Variants in FCSK observed in about 807,000 individuals in gnomAD.
FCSK encodes fucose kinase, also known as L-fucose kinase.
In FCSK, 123 loss-of-function variants were observed where a neutral mutation model predicts 122.5. That is an observed-to-expected ratio of 1.00 (90% CI 0.87 to 1.17). FCSK has a LOEUF of 1.17. FCSK is among the 50% of genes most tolerant of loss of function. The pLI is 0.00. For synonymous variants in FCSK, 620 were observed against 625.5 expected (o/e 0.99, Z 0.13); for missense variants, 1,366 against 1,450.4 (o/e 0.94, Z 0.95).
rs1567710721 is a variant in FCSK at position 70,474,876 on chromosome 16, A to G, written c.2242A>G (p.Ile748Val). ...LAVRVDGRRP[I>V]GARARRIPEP... ...TGTGCGAGTGGACGGCCGCCGGCCC[A>G]TCGGAGCCAGGGCACGCCGCATCCC... is the stretch of plus-strand genomic sequence containing the variant. Residue 748 changes from isoleucine to valine, a missense_variant, in exon 18 of 24, where the codon ATC becomes GTC. Transcript: ENST00000288078. The G allele has an allele frequency of 1.2e-6, 2 of 1,602,390 alleles. No individual in the cohort carries two copies. The highest frequency in any genetic ancestry group is 1.1e-5 in the South Asian group (1 of 89,562).
At position 70,478,441 on chromosome 16, in the gene FCSK, G is replaced by A; in HGVS notation, c.2811G>A (p.Leu937=). The change falls in exon 21 of 24, where the codon CTG becomes CTA. Residue 937 remains leucine, a synonymous_variant. Coordinates refer to ENST00000288078, the MANE Select transcript of FCSK (RefSeq NM_145059.3). ...LLLVYTGKTR[L]ARNLLQDVLR... The stretch of plus-strand genomic sequence containing the variant: ...TGGTGTACACTGGCAAGACCCGCCT[G>A]GCTCGGAACCTGCTGCAGGTGAGCT... 1 of 1,614,088 alleles carries A rather than the reference G, an allele frequency of 6.2e-7. No individual in the cohort carries two copies. The highest frequency in any genetic ancestry group is 1.3e-5 in the African/African-American group (1 of 75,078).
intron 14 of FCSK, 143 bp downstream of exon 14, chr16:70,472,748 C>A: frequency 1.2e-6 from 1 of 812,408 alleles, no homozygotes; most frequent in Non-Finnish European, 1.9e-6. Flanking sequence ...CAGCCGGATT[C>A]TCTCCAGTAC....
In FCSK at chr16:70,473,046, C is replaced by G; in HGVS notation, c.1470C>G (p.Leu490=). The G allele has an allele frequency of 6.3e-7, 1 of 1,589,526 alleles. No homozygotes were observed. Among genetic ancestry groups the G allele is most frequent in the Non-Finnish European group, 8.6e-7 (1 of 1,168,886 alleles). The change falls in exon 15 of 24, where the codon CTC becomes CTG. Residue 490 remains leucine, a synonymous_variant. Coordinates refer to ENST00000288078, the MANE Select transcript of FCSK (RefSeq NM_145059.3). This position sits in a 1 kb window ranked among gnomAD's most constrained non-coding sequence, Gnocchi z 4.9. The part of the protein sequence containing the change: ...PAEYCLPSAR[L]FPVLHPSREL... ...AGTACTGCCTTCCCAGCGCCCGCCT[C>G]TTTCCTGTGCTCCACCCCTCGAGGG...
intron 10 of FCSK, among the ~76,000 whole-genome samples, chr16:70,469,688 G>C (rs1187014781): frequency 1.3e-5 from 2 of 152,000 alleles, no homozygotes; most frequent in African/African-American, 4.8e-5. Flanking sequence ...TGCGTACCTG[G>C]GATAATAGCC....
rs1270859351 is a variant in FCSK at position 70,469,402 on chromosome 16, GCTGGGCCAGGCAGCCCAGCACAGGGA to G, written c.955+86_955+111del. ...CCAAGAATGGAGCTGCTCACTGCAT[GCTGGGCCAGGCAGCCCAGCACAGGGA>G]CTGGGCAGTTCTCCTGTCCTGTGCC... is the stretch of plus-strand genomic sequence containing the variant. On this transcript the variant is annotated intron_variant, in intron 10 of 23. Transcript: ENST00000288078. 6 of 1,383,846 alleles carry G rather than the reference GCTGGGCCAGGCAGCCCAGCACAGGGA, an allele frequency of 4.3e-6. No homozygotes were observed. The East Asian group carries it at 1.4e-4, about 32-fold the overall frequency. 85.7% of individuals were successfully genotyped at this position (1,383,846 alleles called of 1,614,324 possible). A position where few individuals can be genotyped will look rare whatever the true frequency, so the allele number is the denominator to read the frequency against.
chr16:70,479,727 C>A lies in FCSK; in HGVS notation c.*47C>A. 6.8e-7 allele frequency: 1 copy of A among 1,478,826 alleles called. No individual in the cohort carries two copies. Among genetic ancestry groups the A allele is most frequent in the Admixed American group, 1.8e-5 (1 of 56,670 alleles). 91.6% of individuals were successfully genotyped at this position (1,478,826 alleles called of 1,614,324 possible). On this transcript the variant is annotated 3_prime_UTR_variant, in exon 24 of 24. Coordinates refer to ENST00000288078, the MANE Select transcript of FCSK (RefSeq NM_145059.3). ...GGAGAAAACCTGGAGCTACAGTGTCCCCCACCTTCCTTGCCCCATGGGAAC... is the reference window on the plus strand; with the variant it reads ...GGAGAAAACCTGGAGCTACAGTGTCACCCACCTTCCTTGCCCCATGGGAAC...
At chr16:70,468,518 G>A (rs2048498900) in intron 8 of FCSK, among the ~76,000 whole-genome samples, 1 of 152,224 alleles carries the variant, frequency 6.6e-6, no homozygotes, top group Non-Finnish European at 1.5e-5. Context: ...AGGGAGTGCG[G>A]TTGGGAGGAG....
chr16:70,463,932 G>A (rs925604182), intron 3 of FCSK, among the ~76,000 whole-genome samples, 158 bp downstream of exon 3: 4 of 144,174 alleles, frequency 2.8e-5, no homozygotes, highest in Non-Finnish European at 4.4e-5. Context: ...CTGCCTTGCC[G>A]TTCAAGTGAG....
At chr16:70,465,869 C>T (rs561592329) in intron 4 of FCSK, among the ~76,000 whole-genome samples, 8 of 152,250 alleles carry the variant, frequency 5.3e-5, no homozygotes, top group Admixed American at 5.2e-4. Flanking sequence ...ATGAGAATTG[C>T]TTGAACCCAG....
chr16:70,468,908 G>A lies in FCSK; in HGVS notation c.723G>A (p.Val241=), dbSNP rs1157119587. 1.2e-6 allele frequency: 2 copies of A among 1,614,012 alleles called. No individual in the cohort carries two copies. Among genetic ancestry groups the A allele is most frequent in the Non-Finnish European group, 1.7e-6 (2 of 1,180,022 alleles). Residue 241 remains valine, a synonymous_variant, in exon 9 of 24, where the codon GTG becomes GTA. Transcript: ENST00000288078. ...CCGAGCGCCTCCTAGCCACCCACGT[G>A]AGCCCGCCCCTGGATGCCTGCACCT... is the stretch of plus-strand genomic sequence containing the variant. The part of the protein sequence containing the change: ...ETAERLLATH[V]SPPLDACTYL...
intron 1 of FCSK, among the ~76,000 whole-genome samples, chr16:70,461,772 C>T (rs1372645277): frequency 2.6e-5 from 4 of 152,210 alleles, no homozygotes; most frequent in Non-Finnish European, 5.9e-5. Flanking sequence ...TGCTGCCCTC[C>T]CTTCCTCCTT....
Position 70,478,266 on chromosome 16 carries a change from T to C in FCSK, c.2642-6T>C. 3 of 1,613,586 alleles carry C rather than the reference T, an allele frequency of 1.9e-6. No individual in the cohort carries two copies. Among genetic ancestry groups the C allele is most frequent in the Non-Finnish European group, 2.5e-6 (3 of 1,179,838 alleles). Reference sequence around the variant, plus strand: ...ACTCCAACAGTGACAGTCCCTGGGCTCACAGGAGGTGGCTGGCAGGACCAA... The same window carrying C: ...ACTCCAACAGTGACAGTCCCTGGGCCCACAGGAGGTGGCTGGCAGGACCAA... On this transcript the variant is annotated splice_polypyrimidine_tract_variant and splice_region_variant and intron_variant, in intron 20 of 23. Coordinates refer to ENST00000288078, the MANE Select transcript of FCSK (RefSeq NM_145059.3).
intron 3 of FCSK, among the ~76,000 whole-genome samples, chr16:70,464,216 AG>A (rs1349792476): frequency 6.6e-6 from 1 of 152,128 alleles, no homozygotes; most frequent in African/African-American, 2.4e-5. Context: ...GTGCAGAGTG[AG>A]GGCGAGCACA....
intron 1 of FCSK, among the ~76,000 whole-genome samples, chr16:70,457,686 C>T (rs1013086160): frequency 3.3e-5 from 5 of 149,966 alleles, no homozygotes; most frequent in African/African-American, 4.9e-5. Flanking sequence ...ACAATGCTTC[C>T]GCCTCAGCCT....
intron 1 of FCSK, among the ~76,000 whole-genome samples, chr16:70,458,163 C>CTTT (rs35217051): frequency 7.1e-6 from 1 of 140,392 alleles, no homozygotes. Context: ...TTCTTTCTTT[C>CTTT]TTTTTTTTTT....
intron 9 of FCSK, 22 bp from the exon 10 acceptor site, chr16:70,469,130 G>A (rs1353397770): frequency 6.2e-7 from 1 of 1,613,734 alleles, no homozygotes; most frequent in Non-Finnish European, 8.5e-7. Flanking sequence ...GCCAATAGCT[G>A]TGCTTCTTCC....
rs753419476 is a variant in FCSK at position 70,478,462 on chromosome 16, G to A, written c.2829+3G>A. ...GCCTGGCTCGGAACCTGCTGCAGGT[G>A]AGCTCTGGCCCCAGCATGAGGGAGG... On this transcript the variant is annotated splice_donor_region_variant and intron_variant, in intron 21 of 23. Coordinates refer to ENST00000288078, the MANE Select transcript of FCSK (RefSeq NM_145059.3). 2 of 1,613,892 alleles carry A rather than the reference G, an allele frequency of 1.2e-6. No homozygotes were observed. The highest frequency in any genetic ancestry group is 1.7e-6 in the Non-Finnish European group (2 of 1,180,002).
At position 70,459,754 on chromosome 16, in the gene FCSK, C is replaced by T. The variant is rs529342284; in HGVS notation, c.-22-3415C>T. Among the ~76,000 whole-genome samples the T allele has an allele frequency of 6.6e-5, 10 of 150,534 alleles. No homozygotes were observed. In the South Asian group the frequency reaches 2.1e-3, roughly 32 times the overall value. On this transcript the variant is annotated intron_variant, in intron 1 of 23. Coordinates refer to ENST00000288078, the MANE Select transcript of FCSK (RefSeq NM_145059.3). ...AAGCGATCCTCCTGACATGGCCTCC[C>T]AAAATGCTGGAATTATAGACATGAG...
At chr16:70,469,402 G>A (rs2048538417) in intron 10 of FCSK, 79 bp downstream of exon 10, 3 of 1,383,844 alleles carry the variant, frequency 2.2e-6, no homozygotes, top group African/African-American at 1.4e-5. Context: ...CTCACTGCAT[G>A]CTGGGCCAGG....
Sources: allele counts gnomAD v4.1 joint callset (sites outside exome capture counted in the v4.1 genomes callset), GRCh38; gene constraint gnomAD v4.1.1; non-coding constraint Gnocchi (gnomAD v3.1); transcripts MANE v1.5; gene names NCBI Gene and HGNC (gene_info 2026-07-23, HGNC 2026-07-21).